The following UPP2 variants were observed in gnomAD, a reference collection of about 807,000 sequenced individuals.
The protein encoded by UPP2 is uridine phosphorylase 2.
UPP2 carries 23 observed loss-of-function variants against 26.7 expected under a neutral mutation model. The ratio of observed to expected loss-of-function variants is 0.86; its 90% CI spans 0.62 to 1.22. UPP2 has a LOEUF of 1.22. Ranked by LOEUF, UPP2 falls within the 50% of genes most tolerant of loss-of-function variation. The pLI, the probability that UPP2 is intolerant of heterozygous loss-of-function variation, is 0.00. For synonymous variants in UPP2, 127 were observed against 141.3 expected (o/e 0.90, Z 0.72); for missense variants, 387 against 396.7 (o/e 0.98, Z 0.21).
intron 3 of UPP2, among the ~76,000 whole-genome samples, chr2:158,116,977 A>G (rs1225836200): frequency 6.6e-6 from 1 of 152,040 alleles, no homozygotes; most frequent in Admixed American, 6.5e-5. Context: ...TGAAAACATC[A>G]TGGTCACGGC....
chr2:158,004,063 G>A (rs1683450128), intron 2 of UPP2, among the ~76,000 whole-genome samples: 2 of 152,158 alleles, frequency 1.3e-5, no homozygotes, highest in South Asian at 4.1e-4. Flanking sequence ...CTGGCACCCA[G>A]TAAGCTCTCA....
Position 158,134,791 on chromosome 2 carries a change from T to C in UPP2, c.855T>C (p.Asp285=), listed in dbSNP as rs1683896764. The change falls in exon 7 of 7, where the codon GAT becomes GAC. Residue 285 remains aspartate, a synonymous_variant. Transcript: ENST00000005756. The part of the protein sequence containing the change: ...CVTLLDRLDC[D]QINLPHDVLV... ...CACTTCTCGACAGACTCGACTGTGA[T>C]CAGATCAACTTGCCTCATGATGTCC... 1.9e-6 allele frequency: 3 copies of C among 1,613,694 alleles called. No homozygotes were observed. Among genetic ancestry groups the C allele is most frequent in the Non-Finnish European group, 2.5e-6 (3 of 1,179,768 alleles).
At chr2:158,061,358 A>G (rs985419780) in intron 3 of UPP2, among the ~76,000 whole-genome samples, 5 of 152,188 alleles carry the variant, frequency 3.3e-5, no homozygotes, top group Non-Finnish European at 5.9e-5. Context: ...TTCAGTCACA[A>G]GGAGGCCCTG....
chr2:158,087,757 G>A (rs1682839758), intron 3 of UPP2, among the ~76,000 whole-genome samples: 1 of 152,086 alleles, frequency 6.6e-6, no homozygotes, highest in African/African-American at 2.4e-5. Flanking sequence ...ATGAAGTTTA[G>A]TTTCTCTGGA....
chr2:158,088,229 T>C (rs1051569397), intron 3 of UPP2, among the ~76,000 whole-genome samples: 1 of 152,230 alleles, frequency 6.6e-6, no homozygotes, highest in African/African-American at 2.4e-5. Context: ...TTTGAAAGCC[T>C]TGTCTTCGAG....
At chr2:158,052,962 G>A (rs1029359566) in intron 3 of UPP2, among the ~76,000 whole-genome samples, 9 of 152,174 alleles carry the variant, frequency 5.9e-5, no homozygotes, top group African/African-American at 2.2e-4. Context: ...TGGCCTGAGG[G>A]CTGTAGTATG....
At chr2:158,054,044 G>T (rs556628302) in intron 3 of UPP2, among the ~76,000 whole-genome samples, 4 of 152,188 alleles carry the variant, frequency 2.6e-5, no homozygotes, top group African/African-American at 9.7e-5. Context: ...ACCGAGGTGG[G>T]TGGATTACCT....
intron 4 of UPP2, among the ~76,000 whole-genome samples, chr2:158,119,197 T>C (rs1339412496): frequency 1.3e-5 from 2 of 152,068 alleles, no homozygotes; most frequent in African/African-American, 4.8e-5. Flanking sequence ...TGTAAAGTCC[T>C]GACTGCTACA....
In UPP2 at chr2:158,123,235, C is replaced by T. The variant is rs528381955; in HGVS notation, c.665-514C>T. 3.0e-4 allele frequency among the ~76,000 whole-genome samples: 45 copies of T among 152,240 alleles called. 1 individual carries two copies. Among genetic ancestry groups the T allele is most frequent in the Non-Finnish European group, 5.6e-4 (38 of 68,008 alleles). ...AGGAAAATGTGATCACAAGGGGTGGCGTGCAGCCTGAGAAGTGTGCGGAAA... is the reference window on the plus strand; with the variant it reads ...AGGAAAATGTGATCACAAGGGGTGGTGTGCAGCCTGAGAAGTGTGCGGAAA... On this transcript the variant is annotated intron_variant, in intron 5 of 6. Coordinates refer to ENST00000005756, the MANE Select transcript of UPP2 (RefSeq NM_173355.4).
chr2:158,126,231 T>C (rs1448043129), intron 6 of UPP2, among the ~76,000 whole-genome samples: 4 of 152,324 alleles, frequency 2.6e-5, no homozygotes, highest in East Asian at 3.9e-4. Flanking sequence ...CCTGGATGCT[T>C]TCTTCTCTAC....
chr2:157,998,063 G>A (rs1233927871), intron 2 of UPP2, among the ~76,000 whole-genome samples: 1 of 152,138 alleles, frequency 6.6e-6, no homozygotes, highest in East Asian at 1.9e-4. Context: ...GTTAAATCAT[G>A]GATATGGGTG....
intron 5 of UPP2, among the ~76,000 whole-genome samples, chr2:158,122,293 T>A (rs1683586875): frequency 6.6e-6 from 1 of 152,150 alleles, no homozygotes; most frequent in Admixed American, 6.5e-5. Flanking sequence ...GTAGTTTTAT[T>A]CTTTTCAAAA....
intron 2 of UPP2, among the ~76,000 whole-genome samples, chr2:157,998,578 G>A (rs866975880): frequency 6.6e-6 from 1 of 152,072 alleles, no homozygotes; most frequent in Non-Finnish European, 1.5e-5. Context: ...CAGGTGGCTG[G>A]ATCACTTGAG....
rs774122283 is a variant in UPP2 at position 158,123,789 on chromosome 2, A to AG, written c.706dup (p.Glu236GlyfsTer12). On this transcript the variant is annotated frameshift_variant, in exon 6 of 7. Coordinates refer to ENST00000005756, the MANE Select transcript of UPP2 (RefSeq NM_173355.4). LOFTEE classifies it high-confidence loss of function. ...ATGGAGCACTGTGCTCCTTTTCCAG[A>AG]GAAAAAAAGTTAGACTACTTGAAGA... is the stretch of plus-strand genomic sequence containing the variant. 6.8e-6 allele frequency: 11 copies of AG among 1,614,072 alleles called. No homozygotes were observed. Among genetic ancestry groups the AG allele is most frequent in the South Asian group, 1.1e-5 (1 of 91,076 alleles).
intron 3 of UPP2, among the ~76,000 whole-genome samples, chr2:158,051,553 C>A (rs151019693): frequency 6.6e-6 from 1 of 152,068 alleles, no homozygotes; most frequent in Non-Finnish European, 1.5e-5. Context: ...GAGGCTTAGG[C>A]GGCCAGATCA....
At chr2:158,030,869 T>G (rs1357420986) in intron 3 of UPP2, among the ~76,000 whole-genome samples, 1 of 152,174 alleles carries the variant, frequency 6.6e-6, no homozygotes, top group Non-Finnish European at 1.5e-5. Context: ...TGGTTGGATC[T>G]AAAAAGAAGG....
At chr2:158,004,919 TA>T (rs1683465395) in intron 2 of UPP2, among the ~76,000 whole-genome samples, 1 of 152,226 alleles carries the variant, frequency 6.6e-6, no homozygotes, top group Non-Finnish European at 1.5e-5. Flanking sequence ...TAGAAGCCAT[TA>T]TTACATGTTA....
intron 3 of UPP2, among the ~76,000 whole-genome samples, chr2:158,075,445 A>G (rs1682615676): frequency 6.6e-6 from 1 of 152,068 alleles, no homozygotes; most frequent in African/African-American, 2.4e-5. Flanking sequence ...AGGTCACAAA[A>G]TAAGTCTTAA....
At chr2:158,058,419 C>CGGTGTGTGTGTG (rs1682294260) in intron 3 of UPP2, among the ~76,000 whole-genome samples, 2 of 136,378 alleles carry the variant, frequency 1.5e-5, no homozygotes, top group African/African-American at 5.7e-5. Flanking sequence ...TCCCCCCAAC[C>CGGTGTGTGTGTG]TGTGTGTGTG....
Sources: gnomAD v4.1 joint callset for allele counts (sites outside exome capture counted in the v4.1 genomes callset) on GRCh38, gnomAD v4.1.1 for gene constraint, MANE v1.5 for transcripts, NCBI Gene and HGNC (gene_info 2026-07-23, HGNC 2026-07-21) for gene names.